INPP4B: variants seen among roughly 807,000 people sequenced by gnomAD.
INPP4B encodes inositol polyphosphate-4-phosphatase type II B, also known as inositol polyphosphate 4-phosphatase type II.
Under a neutral mutation model 122.5 loss-of-function variants are expected in INPP4B, and 55 were observed. The ratio of observed to expected loss-of-function variants is 0.45; its 90% CI spans 0.36 to 0.56. The LOEUF (loss-of-function observed/expected upper bound fraction) is 0.56. Ranked by LOEUF, INPP4B falls within the 20% of genes least tolerant of loss-of-function variation. INPP4B has a pLI of 0.00. For missense variants in INPP4B, 1,000 were observed against 1,097.7 expected, an observed-to-expected ratio of 0.91 and a Z score of 1.26; for synonymous variants, 403 against 388.7, an observed-to-expected ratio of 1.04 and a Z score of -0.43.
intron 14 of INPP4B, among the ~76,000 whole-genome samples, chr4:142,198,053 G>A (rs1398131620): frequency 1.3e-5 from 2 of 152,074 alleles, no homozygotes; most frequent in East Asian, 3.9e-4. Context: ...TTCTAAAATA[G>A]AGATTTTTTG....
intron 25 of INPP4B, among the ~76,000 whole-genome samples, chr4:142,045,771 T>TA (rs1751023523): frequency 1.3e-5 from 2 of 152,164 alleles, no homozygotes; most frequent in African/African-American, 4.8e-5. Context: ...CAAGAGATAT[T>TA]AATTAAGCAT....
intron 2 of INPP4B, among the ~76,000 whole-genome samples, chr4:142,644,491 T>C (rs1430877975): frequency 6.6e-6 from 1 of 152,012 alleles, no homozygotes; most frequent in Non-Finnish European, 1.5e-5. Flanking sequence ...ATTTTTTTAT[T>C]TTGCCAAACT....
At chr4:142,838,033 G>GTTTT (rs546156996) in intron 1 of INPP4B, among the ~76,000 whole-genome samples, 5,510 of 143,392 alleles carry the variant, frequency 0.038, 345 homozygotes, top group African/African-American at 0.13. Context: ...GGAAAGTGGT[G>GTTTT]TTTTTTTTTT....
intron 2 of INPP4B, among the ~76,000 whole-genome samples, chr4:142,635,666 T>C (rs562330415): frequency 9.2e-5 from 14 of 152,084 alleles, no homozygotes; most frequent in African/African-American, 2.9e-4. Flanking sequence ...GGAGAACACA[T>C]AAACACAAAC....
At chr4:142,685,172 A>G (rs1159152923) in intron 2 of INPP4B, among the ~76,000 whole-genome samples, 2 of 152,120 alleles carry the variant, frequency 1.3e-5, no homozygotes, top group Non-Finnish European at 2.9e-5. Context: ...TTTACAAGCC[A>G]TAGCAATATT....
At chr4:142,544,857 T>G (rs1361013178) in intron 2 of INPP4B, among the ~76,000 whole-genome samples, 2 of 152,188 alleles carry the variant, frequency 1.3e-5, no homozygotes, top group Non-Finnish European at 2.9e-5. Context: ...GAAAGTGACC[T>G]TAGAACTTCC....
chr4:142,560,636 C>A (rs1370432580), intron 2 of INPP4B: 1 of 152,266 alleles, frequency 6.6e-6, no homozygotes, highest in Non-Finnish European at 1.5e-5. Flanking sequence ...AGCTGAAAAA[C>A]ATGGATTCTG....
At chr4:142,043,997 T>C (rs1439653853) in intron 25 of INPP4B, among the ~76,000 whole-genome samples, 1 of 151,812 alleles carries the variant, frequency 6.6e-6, no homozygotes, top group Non-Finnish European at 1.5e-5. Context: ...AACTGGAGAA[T>C]GAAGAGGAAA....
intron 25 of INPP4B, among the ~76,000 whole-genome samples, chr4:142,075,892 T>C (rs746788329): frequency 6.6e-6 from 1 of 152,104 alleles, no homozygotes; most frequent in Non-Finnish European, 1.5e-5. Flanking sequence ...TTCCTGGATT[T>C]AAAAATCTGT....
At chr4:142,642,367 C>T (rs1750704540) in intron 2 of INPP4B, among the ~76,000 whole-genome samples, 1 of 152,146 alleles carries the variant, frequency 6.6e-6, no homozygotes, top group Non-Finnish European at 1.5e-5. Flanking sequence ...AATGGTATTG[C>T]CTAGGTTTTC....
At chr4:142,719,921 C>T (rs1375493673) in intron 2 of INPP4B, among the ~76,000 whole-genome samples, 8 of 152,172 alleles carry the variant, frequency 5.3e-5, no homozygotes, top group Non-Finnish European at 1.2e-4. Context: ...TAATACTACA[C>T]AATCTTCTGA....
At chr4:142,141,639 A>T (rs1162627718) in intron 18 of INPP4B, among the ~76,000 whole-genome samples, 1 of 152,154 alleles carries the variant, frequency 6.6e-6, no homozygotes, top group Non-Finnish European at 1.5e-5. Context: ...CAAGCCAAAG[A>T]TATACTGTAA....
At chr4:142,077,594 A>C (rs1771502208) in intron 25 of INPP4B, among the ~76,000 whole-genome samples, 1 of 151,912 alleles carries the variant, frequency 6.6e-6, no homozygotes, top group African/African-American at 2.4e-5. Flanking sequence ...CCTACTAAAA[A>C]TGCTTTCTGC....
chr4:142,405,382 CTT>C (rs1803087268), intron 5 of INPP4B, 58 bp from the exon 6 acceptor site: 21 of 1,065,312 alleles, frequency 2.0e-5, no homozygotes, highest in Non-Finnish European at 3.0e-5. Flanking sequence ...TCAGGGAAAA[CTT>C]CTGCGCCGGG....
chr4:142,239,307 G>A (rs1858117716), intron 11 of INPP4B, among the ~76,000 whole-genome samples: 1 of 151,964 alleles, frequency 6.6e-6, no homozygotes, highest in African/African-American at 2.4e-5. Context: ...ATGTACATGC[G>A]TCCTGCCAAG....
chr4:142,756,193 A>C (rs1412148183), intron 1 of INPP4B, among the ~76,000 whole-genome samples: 1 of 152,086 alleles, frequency 6.6e-6, no homozygotes, highest in Non-Finnish European at 1.5e-5. Flanking sequence ...CGATGTTGTC[A>C]TGTCTACATG....
chr4:142,771,724 C>T (rs913027819), intron 1 of INPP4B, among the ~76,000 whole-genome samples: 3 of 151,890 alleles, frequency 2.0e-5, no homozygotes, highest in Non-Finnish European at 2.9e-5. Flanking sequence ...ACTCTTGTGA[C>T]CAAGAAGTGA....
At chr4:142,670,264 C>A (rs904015031) in intron 2 of INPP4B, among the ~76,000 whole-genome samples, 6 of 152,014 alleles carry the variant, frequency 3.9e-5, no homozygotes, top group Non-Finnish European at 8.8e-5. Context: ...GTAGAACTAC[C>A]ATATGATCCA....
intron 2 of INPP4B, among the ~76,000 whole-genome samples, chr4:142,590,296 G>C (rs1441830139): frequency 6.6e-6 from 1 of 152,158 alleles, no homozygotes; most frequent in East Asian, 1.9e-4. Flanking sequence ...GAGATCGGGG[G>C]AATCCCAAGA....
Sources: gnomAD v4.1 joint callset for allele counts (sites outside exome capture counted in the v4.1 genomes callset) on GRCh38, gnomAD v4.1.1 for gene constraint, MANE v1.5 for transcripts, NCBI Gene and HGNC (gene_info 2026-07-23, HGNC 2026-07-21) for gene names.